TMEM140: variants seen among roughly 807,000 people sequenced by gnomAD.
TMEM140 encodes transmembrane protein 140.
For synonymous variants in TMEM140, 107 were observed against 106.8 expected, an observed-to-expected ratio of 1.00 and a Z score of -0.01; for missense variants, 236 against 228.5, an observed-to-expected ratio of 1.03 and a Z score of -0.21.
At position 135,161,293 on chromosome 7, in the gene TMEM140, T is replaced by C. The variant is rs1161369793; in HGVS notation, c.-24-3125T>C. Reference sequence around the variant, plus strand: ...ATGCAATCTCCCCGAGGAGCCACATTAATTTTTAAAAAGGCAGCTGTTTTC... The same window carrying C: ...ATGCAATCTCCCCGAGGAGCCACATCAATTTTTAAAAAGGCAGCTGTTTTC... On this transcript the variant is annotated intron_variant, in intron 1 of 1. Transcript: ENST00000275767. The surrounding 1 kb of genome is among the most constrained non-coding windows in gnomAD (Gnocchi z 4.1). 6.6e-6 allele frequency among the ~76,000 whole-genome samples: 1 copy of C among 152,256 alleles called. No individual in the cohort carries two copies. The highest frequency in any genetic ancestry group is 1.5e-5 in the Non-Finnish European group (1 of 68,042).
chr7:135,164,303 T>G (rs1585361367), intron 1 of TMEM140, 115 bp from the exon 2 acceptor site: 1 of 814,440 alleles, frequency 1.2e-6, no homozygotes, highest in Non-Finnish European at 1.9e-6. Flanking sequence ...GAGGGCAGGG[T>G]AGGAGGGAAA....
intron 1 of TMEM140, among the ~76,000 whole-genome samples, chr7:135,149,663 TAAC>T (rs1466223480): frequency 6.6e-6 from 1 of 152,258 alleles, no homozygotes; most frequent in Non-Finnish European, 1.5e-5. Flanking sequence ...AATGCCAGTT[TAAC>T]CATATTTTTG....
chr7:135,151,118 C>T lies in TMEM140; in HGVS notation c.-25+2848C>T, dbSNP rs1490785892. 2.0e-5 allele frequency among the ~76,000 whole-genome samples: 3 copies of T among 152,078 alleles called. No homozygotes were observed. The highest frequency in any genetic ancestry group is 2.9e-5 in the Non-Finnish European group (2 of 68,010). On this transcript the variant is annotated intron_variant, in intron 1 of 1. Coordinates refer to ENST00000275767, the MANE Select transcript of TMEM140 (RefSeq NM_018295.5). The surrounding 1 kb of genome is among the most constrained non-coding windows in gnomAD (Gnocchi z 4.3). ...ATCTCATGGTATAGTCCTATTTTGT[C>T]TGATAAAGCTGTTTTATTTACATGG...
At chr7:135,160,196 T>C (rs542235567) in intron 1 of TMEM140, among the ~76,000 whole-genome samples, 3 of 152,314 alleles carry the variant, frequency 2.0e-5, no homozygotes, top group South Asian at 4.1e-4. Flanking sequence ...CGACCTGAAG[T>C]ATAGATGACT....
At chr7:135,153,445 C>T (rs1829710515) in intron 1 of TMEM140, among the ~76,000 whole-genome samples, 1 of 129,346 alleles carries the variant, frequency 7.7e-6, no homozygotes, top group Non-Finnish European at 1.6e-5. Context: ...CACAGCAAGA[C>T]TCCATCTCCA....
intron 1 of TMEM140, among the ~76,000 whole-genome samples, chr7:135,163,922 T>C (rs763568911): frequency 1.3e-5 from 2 of 152,218 alleles, no homozygotes; most frequent in Non-Finnish European, 2.9e-5. Context: ...TGAGCTCTGA[T>C]TGATCTGTGG....
Position 135,165,085 on chromosome 7 carries a change from G to T in TMEM140, c.*86G>T. 6.9e-7 allele frequency: 1 copy of T among 1,452,922 alleles called. No homozygotes were observed. Among genetic ancestry groups the T allele is most frequent in the Non-Finnish European group, 9.2e-7 (1 of 1,082,374 alleles). 90.0% of individuals were successfully genotyped at this position (1,452,922 alleles called of 1,614,324 possible). A position where few individuals can be genotyped will look rare whatever the true frequency, so the allele number is the denominator to read the frequency against. On this transcript the variant is annotated 3_prime_UTR_variant, in exon 2 of 2. Transcript: ENST00000275767. ...GCCATCTCATTTTACAGCTAACGCT[G>T]ATCTCCAGCTCCAGCGATGGAACCC...
intron 1 of TMEM140, among the ~76,000 whole-genome samples, chr7:135,160,689 C>G (rs957130145): frequency 6.7e-6 from 1 of 149,926 alleles, no homozygotes; most frequent in East Asian, 2.0e-4. Flanking sequence ...AGGATTCGTA[C>G]ATGAAAGAAC....
intron 1 of TMEM140, 34 bp downstream of exon 1, chr7:135,148,304 C>A (rs3735002): frequency 1.4e-5 from 5 of 348,516 alleles, no homozygotes; most frequent in African/African-American, 8.6e-5. Context: ...CACAGCTTAC[C>A]CAGACGTCTA....
In TMEM140 at chr7:135,151,143, G is replaced by C. The variant is rs1451277491; in HGVS notation, c.-25+2873G>C. ...CTGATAAAGCTGTTTTATTTACATGGAATAATTAAGTAAATCAAAACATCA... is the reference window on the plus strand; with the variant it reads ...CTGATAAAGCTGTTTTATTTACATGCAATAATTAAGTAAATCAAAACATCA... On this transcript the variant is annotated intron_variant, in intron 1 of 1. Transcript: ENST00000275767. The surrounding 1 kb of genome is among the most constrained non-coding windows in gnomAD (Gnocchi z 4.3). Among the ~76,000 whole-genome samples, 2 of 152,086 alleles carry C rather than the reference G, an allele frequency of 1.3e-5. No homozygotes were observed. The highest frequency in any genetic ancestry group is 6.6e-5 in the Admixed American group (1 of 15,264).
In TMEM140 at chr7:135,164,760, AAC is replaced by A; in HGVS notation, c.321_322del (p.Asn107LysfsTer2). On this transcript the variant is annotated frameshift_variant, in exon 2 of 2. Coordinates refer to ENST00000275767, the MANE Select transcript of TMEM140 (RefSeq NM_018295.5). LOFTEE classifies it low-confidence loss of function (END_TRUNC). ...CCAGCCTCTCCTCCTAGCCCAGTGC[AAC>A]AGTGATGAGAGAGCGTGGCGGCTGG... ...APQPLLLAQC[N>X]SDERAWRLAV... is the part of the protein sequence containing the mutation. 6.2e-7 allele frequency: 1 copy of A among 1,614,172 alleles called. No individual in the cohort carries two copies. Among genetic ancestry groups the A allele is most frequent in the Non-Finnish European group, 8.5e-7 (1 of 1,180,010 alleles).
chr7:135,156,481 G>T (rs1829796540), intron 1 of TMEM140, among the ~76,000 whole-genome samples: 1 of 151,672 alleles, frequency 6.6e-6, no homozygotes, highest in Non-Finnish European at 1.5e-5. Flanking sequence ...TCTTCTGCTT[G>T]GTGTAGTCTA....
At chr7:135,150,098 T>A (rs1318536265) in intron 1 of TMEM140, among the ~76,000 whole-genome samples, 1 of 152,230 alleles carries the variant, frequency 6.6e-6, no homozygotes, top group African/African-American at 2.4e-5. Flanking sequence ...TTGATTTTTT[T>A]ATCTGGTTTT....
At chr7:135,164,216 CA>C (rs1474174343) in intron 1 of TMEM140, among the ~76,000 whole-genome samples, 1 of 152,228 alleles carries the variant, frequency 6.6e-6, no homozygotes, top group Non-Finnish European at 1.5e-5. Flanking sequence ...CTCCTGACCT[CA>C]AATCAGAGGG....
At chr7:135,149,373 C>A (rs548379516) in intron 1 of TMEM140, among the ~76,000 whole-genome samples, 2 of 152,186 alleles carry the variant, frequency 1.3e-5, no homozygotes, top group South Asian at 4.1e-4. Context: ...TGATTTTATA[C>A]CTGCTTTTTC....
chr7:135,165,167 C>A lies in TMEM140; in HGVS notation c.*168C>A. ...GAGGCCGAGGGGCAGCAAGGGCAGCCAGGGCACCTGTGACTTCTTAGTACA... is the reference window on the plus strand; with the variant it reads ...GAGGCCGAGGGGCAGCAAGGGCAGCAAGGGCACCTGTGACTTCTTAGTACA... On this transcript the variant is annotated 3_prime_UTR_variant, in exon 2 of 2. Coordinates refer to ENST00000275767, the MANE Select transcript of TMEM140 (RefSeq NM_018295.5). 1 of 707,790 alleles carries A rather than the reference C, an allele frequency of 1.4e-6. No individual in the cohort carries two copies. Among genetic ancestry groups the A allele is most frequent in the South Asian group, 2.3e-5 (1 of 43,520 alleles). The allele number at this position is 707,790 out of a possible 1,614,324, so 43.8% of individuals were successfully genotyped here. A position where few individuals can be genotyped will look rare whatever the true frequency, so the allele number is the denominator to read the frequency against.
intron 1 of TMEM140, among the ~76,000 whole-genome samples, chr7:135,153,712 T>C (rs935559305): frequency 2.0e-5 from 3 of 152,192 alleles, no homozygotes; most frequent in Non-Finnish European, 1.5e-5. Flanking sequence ...TAGTGTATTA[T>C]CTTTTTGATG....
rs1039170493 is a variant in TMEM140 at position 135,161,928 on chromosome 7, C to T, written c.-24-2490C>T. 4.6e-5 allele frequency among the ~76,000 whole-genome samples: 7 copies of T among 152,212 alleles called. No homozygotes were observed. Among genetic ancestry groups the T allele is most frequent in the Non-Finnish European group, 8.8e-5 (6 of 68,036 alleles). On this transcript the variant is annotated intron_variant, in intron 1 of 1. Transcript: ENST00000275767. This position sits in a 1 kb window ranked among gnomAD's most constrained non-coding sequence, Gnocchi z 4.1. Reference sequence around the variant, plus strand: ...CCCAGTGCTGCTGAGTCCAGAGAAGCGGCATCTGAGGGGAGGCGGTGGCAG... The same window carrying T: ...CCCAGTGCTGCTGAGTCCAGAGAAGTGGCATCTGAGGGGAGGCGGTGGCAG...
chr7:135,161,033 G>A lies in TMEM140; in HGVS notation c.-24-3385G>A, dbSNP rs1829922860. On this transcript the variant is annotated intron_variant, in intron 1 of 1. Coordinates refer to ENST00000275767, the MANE Select transcript of TMEM140 (RefSeq NM_018295.5). The surrounding 1 kb of genome is among the most constrained non-coding windows in gnomAD (Gnocchi z 4.1). ...ACTGCACAAGGCAAGAGGGGAAGCT[G>A]GGCCTCACCAGAGAATTCCAAGTTC... Among the ~76,000 whole-genome samples the A allele has an allele frequency of 6.6e-6, 1 of 152,184 alleles. No individual in the cohort carries two copies. The highest frequency in any genetic ancestry group is 1.5e-5 in the Non-Finnish European group (1 of 68,036).
Sources: allele counts gnomAD v4.1 joint callset (sites outside exome capture counted in the v4.1 genomes callset), GRCh38; gene constraint gnomAD v4.1.1; non-coding constraint Gnocchi (gnomAD v3.1); transcripts MANE v1.5; gene names NCBI Gene and HGNC (gene_info 2026-07-23, HGNC 2026-07-21).